The following MS4A14 variants were observed in gnomAD, a reference collection of about 807,000 sequenced individuals.
MS4A14 encodes the protein membrane spanning 4-domains A14.
Under a neutral mutation model 16.7 loss-of-function variants are expected in MS4A14, and 18 were observed. The ratio of observed to expected loss-of-function variants is 1.08; its 90% CI spans 0.75 to 1.60. The LOEUF is 1.60. Among genes scored for constraint, MS4A14 ranks in the 40% most tolerant of loss-of-function variants. MS4A14 has a pLI of 0.00. For missense variants in MS4A14, 812 were observed against 775.3 expected (o/e 1.05, Z -0.56); for synonymous variants, 305 against 289.4 (o/e 1.05, Z -0.55).
intron 4 of MS4A14, 90 bp from the exon 5 acceptor site, chr11:60,415,347 T>C: frequency 7.1e-7 from 1 of 1,400,850 alleles, no homozygotes; most frequent in Non-Finnish European, 9.6e-7. Context: ...ATCTACTGTC[T>C]TAAGTCAGAA....
At position 60,416,422 on chromosome 11, in the gene MS4A14, G is replaced by A. The variant is rs762035217; in HGVS notation, c.1454G>A (p.Arg485Gln). The A allele has an allele frequency of 5.4e-5, 87 of 1,613,804 alleles. No individual in the cohort carries two copies. Among genetic ancestry groups the A allele is most frequent in the Non-Finnish European group, 6.9e-5 (81 of 1,179,932 alleles). The change falls in exon 5 of 5, where the codon CGG (arginine) becomes CAG (glutamine). Residue 485 changes from arginine to glutamine, a missense_variant. By Grantham distance (43) the Arg-to-Gln change is conservative (BLOSUM62 1). Coordinates refer to ENST00000300187, the MANE Select transcript of MS4A14 (RefSeq NM_032597.5). ...CTCCATAGAAGAAAATCCTCAAGAC[G>A]GCATTCCTTAAACCAGCAAACCAAA... ...EELHRRKSSR[R>Q]HSLNQQTKAL...
At chr11:60,408,294 T>C (rs898816497) in intron 4 of MS4A14, among the ~76,000 whole-genome samples, 1 of 152,234 alleles carries the variant, frequency 6.6e-6, no homozygotes, top group Non-Finnish European at 1.5e-5. Context: ...TTTAGAGTAA[T>C]TCTTTTGCAT....
At chr11:60,407,218 G>T (rs1042262551) in intron 4 of MS4A14, among the ~76,000 whole-genome samples, 1 of 151,564 alleles carries the variant, frequency 6.6e-6, no homozygotes. Flanking sequence ...ATAGGGTTTT[G>T]CCACGTTGCC....
At chr11:60,404,703 C>T (rs1287879345) in intron 4 of MS4A14, 1 of 420,956 alleles carries the variant, frequency 2.4e-6, no homozygotes, top group Non-Finnish European at 4.8e-6. Context: ...ATACTTAAAT[C>T]TCAACTGAAA....
At chr11:60,402,851 C>T in intron 3 of MS4A14, 61 bp from the exon 4 acceptor site, 1 of 1,524,672 alleles carries the variant, frequency 6.6e-7, no homozygotes, top group Non-Finnish European at 9.0e-7. Context: ...AAATTTCTTA[C>T]AAGATATTTT....
intron 4 of MS4A14, among the ~76,000 whole-genome samples, chr11:60,411,356 C>A (rs1054473833): frequency 6.6e-6 from 1 of 152,118 alleles, no homozygotes; most frequent in Non-Finnish European, 1.5e-5. Context: ...TTGCTTTGAG[C>A]AGCACTGACA....
rs764218053 is a variant in MS4A14, at chr11:60,397,842, C to G, written c.139-10C>G. The G allele has an allele frequency of 3.7e-6, 6 of 1,611,154 alleles. No individual in the cohort carries two copies. Among genetic ancestry groups the G allele is most frequent in the South Asian group, 1.1e-5 (1 of 90,920 alleles). Reference sequence around the variant, plus strand: ...CTTGTAACCTCATGTACCCATTTCTCTCCTCACAGGCTACCCAGATCCTGC... The same window carrying G: ...CTTGTAACCTCATGTACCCATTTCTGTCCTCACAGGCTACCCAGATCCTGC... On this transcript the variant is annotated splice_polypyrimidine_tract_variant and intron_variant, in intron 1 of 4. Transcript: ENST00000300187.
At chr11:60,413,325 C>T (rs1040332010) in intron 4 of MS4A14, among the ~76,000 whole-genome samples, 1 of 151,482 alleles carries the variant, frequency 6.6e-6, no homozygotes, top group Non-Finnish European at 1.5e-5. Context: ...TTTTTCTTGC[C>T]CTATTACACT....
chr11:60,397,391 C>A (rs577644204), intron 1 of MS4A14, among the ~76,000 whole-genome samples: 1 of 152,060 alleles, frequency 6.6e-6, no homozygotes, highest in Non-Finnish European at 1.5e-5. Flanking sequence ...AATTTTTAGA[C>A]AACTGGGATG....
At position 60,417,605 on chromosome 11, in the gene MS4A14, C is replaced by T. The variant is rs1358531504; in HGVS notation, c.*597C>T. Reference sequence around the variant, plus strand: ...CTGTGTTCTCAACTGTGGTTGCCACCTCATTAACTTACAAAAAAATGAAGG... The same window carrying T: ...CTGTGTTCTCAACTGTGGTTGCCACTTCATTAACTTACAAAAAAATGAAGG... On this transcript the variant is annotated 3_prime_UTR_variant, in exon 5 of 5. Coordinates refer to ENST00000300187, the MANE Select transcript of MS4A14 (RefSeq NM_032597.5). 1 of 152,082 alleles carries T rather than the reference C, an allele frequency of 6.6e-6. No individual in the cohort carries two copies. Among genetic ancestry groups the T allele is most frequent in the Non-Finnish European group, 1.5e-5 (1 of 68,026 alleles). The allele number at this position is 152,082 out of a possible 1,614,324, so 9.4% of individuals were successfully genotyped here. A position where few individuals can be genotyped will look rare whatever the true frequency, so the allele number is the denominator to read the frequency against.
In MS4A14 at chr11:60,416,139, C is replaced by T. The variant is rs760082558; in HGVS notation, c.1171C>T (p.Pro391Ser). Residue 391 changes from proline (P) to serine (S), a missense_variant, in exon 5 of 5, where the codon CCA becomes TCA. Pro to Ser is a moderately conservative substitution (Grantham distance 74). Coordinates refer to ENST00000300187, the MANE Select transcript of MS4A14 (RefSeq NM_032597.5). ...QSLDMLSQDT[P>S]SHAMPPQDIP... Reference sequence around the variant, plus strand: ...CCTAGATATGCTATCTCAAGACACACCATCCCACGCCATGCCACCTCAAGA... The same window carrying T: ...CCTAGATATGCTATCTCAAGACACATCATCCCACGCCATGCCACCTCAAGA... The T allele has an allele frequency of 1.9e-6, 3 of 1,611,416 alleles. No homozygotes were observed. The highest frequency in any genetic ancestry group is 1.3e-5 in the African/African-American group (1 of 74,900).
intron 3 of MS4A14, 57 bp from the exon 4 acceptor site, chr11:60,402,855 A>G: frequency 1.3e-6 from 2 of 1,553,310 alleles, no homozygotes; most frequent in Non-Finnish European, 1.8e-6. Context: ...TTCTTACAAG[A>G]TATTTTTGCT....
At chr11:60,413,444 T>G (rs1420973433) in intron 4 of MS4A14, among the ~76,000 whole-genome samples, 2 of 151,974 alleles carry the variant, frequency 1.3e-5, no homozygotes, top group Non-Finnish European at 2.9e-5. Context: ...ATATGATGTT[T>G]TTTGTAGGTT....
At chr11:60,398,982 A>G (rs10897056) in intron 2 of MS4A14, among the ~76,000 whole-genome samples, 107,842 of 152,064 alleles carry the variant, frequency 0.71, 38,324 homozygotes, top group Middle Eastern at 0.82. Context: ...TTAAAATGAG[A>G]TTCTGGCATG....
At chr11:60,405,634 A>G (rs4939352) in intron 4 of MS4A14, among the ~76,000 whole-genome samples, 102,441 of 151,944 alleles carry the variant, frequency 0.67, 35,024 homozygotes, top group Middle Eastern at 0.81. Flanking sequence ...GATGCCTCCT[A>G]TGAATACTAT....
intron 2 of MS4A14, among the ~76,000 whole-genome samples, chr11:60,399,941 C>T (rs1056322364): frequency 1.3e-5 from 2 of 152,048 alleles, no homozygotes; most frequent in Admixed American, 1.3e-4. Flanking sequence ...TTCTCATTTT[C>T]CTGAGGTGGT....
chr11:60,402,738 C>T (rs1364693758), intron 3 of MS4A14, among the ~76,000 whole-genome samples, 174 bp from the exon 4 acceptor site: 1 of 152,172 alleles, frequency 6.6e-6, no homozygotes, highest in Non-Finnish European at 1.5e-5. Flanking sequence ...GGTTTGTCTT[C>T]TGACTTTAAT....
chr11:60,397,443 G>C (rs904634508), intron 1 of MS4A14, among the ~76,000 whole-genome samples: 4 of 152,098 alleles, frequency 2.6e-5, no homozygotes, highest in Admixed American at 1.3e-4. Context: ...TGGAAAATGT[G>C]GGGGTGGGGG....
chr11:60,397,259 C>A (rs2085639960), intron 1 of MS4A14, among the ~76,000 whole-genome samples: 1 of 152,172 alleles, frequency 6.6e-6, no homozygotes, highest in Non-Finnish European at 1.5e-5. Context: ...CTTTTCCCTG[C>A]AGATTCCTAC....
Sources: allele counts gnomAD v4.1 joint callset (sites outside exome capture counted in the v4.1 genomes callset), GRCh38; gene constraint gnomAD v4.1.1; transcripts MANE v1.5; gene names NCBI Gene and HGNC (gene_info 2026-07-23, HGNC 2026-07-21).